Variants in CRTC1 observed in about 807,000 individuals in gnomAD.
CRTC1 encodes the protein CREB regulated transcription coactivator 1.
A neutral mutation model predicts 66.1 loss-of-function variants in CRTC1; 18 were observed. The ratio of observed to expected loss-of-function variants is 0.27; its 90% CI spans 0.19 to 0.40. The LOEUF (loss-of-function observed/expected upper bound fraction) is 0.40, where lower values mean the gene tolerates loss of function less well. Ranked by LOEUF, CRTC1 falls within the 10% of genes least tolerant of loss-of-function variation. The pLI, the probability that CRTC1 is intolerant of heterozygous loss-of-function variation, is 1.00. For synonymous variants in CRTC1, 416 were observed against 398.8 expected (o/e 1.04, Z -0.51); for missense variants, 669 against 887.9 (o/e 0.75, Z 3.13).
chr19:18,779,938 G>C lies in CRTC1; in HGVS notation c.*2556G>C, dbSNP rs1336650605. ...TCCAGAAGGATTCACGCCCCTCCTG[G>C]ACCTGGGCGGGCCTCCCAGGGGGTC... On this transcript the variant is annotated 3_prime_UTR_variant, in exon 14 of 14. Transcript: ENST00000321949. 5 of 229,240 alleles carry C rather than the reference G, an allele frequency of 2.2e-5. No individual in the cohort carries two copies. The highest frequency in any genetic ancestry group is 1.1e-4 in the African/African-American group (5 of 45,106). The allele number at this position is 229,240 out of a possible 1,614,324, so 14.2% of individuals were successfully genotyped here.
chr19:18,766,287 ATTTTTT>A (rs1020411277), intron 9 of CRTC1, among the ~76,000 whole-genome samples: 41 of 109,692 alleles, frequency 3.7e-4, no homozygotes, highest in East Asian at 1.3e-3. Flanking sequence ...TGCCTGGCTA[ATTTTTT>A]TTTTTTTTTT....
intron 1 of CRTC1, among the ~76,000 whole-genome samples, chr19:18,692,052 C>T (rs192856927): frequency 6.6e-5 from 10 of 152,264 alleles, no homozygotes; most frequent in African/African-American, 2.4e-4. Context: ...CATACCCGAA[C>T]ACTGAGCTCC....
chr19:18,768,889 C>T lies in CRTC1; in HGVS notation c.1320+96C>T. The T allele has an allele frequency of 6.9e-7, 1 of 1,446,572 alleles. No homozygotes were observed. Among genetic ancestry groups the T allele is most frequent in the Non-Finnish European group, 9.2e-7 (1 of 1,089,876 alleles). 89.6% of individuals were successfully genotyped at this position (1,446,572 alleles called of 1,614,324 possible). A position where few individuals can be genotyped will look rare whatever the true frequency, so the allele number is the denominator to read the frequency against. On this transcript the variant is annotated intron_variant, in intron 10 of 13. Coordinates refer to ENST00000321949, the MANE Select transcript of CRTC1 (RefSeq NM_015321.3). This position sits in a 1 kb window ranked among gnomAD's most constrained non-coding sequence, Gnocchi z 5.6. ...CAGTCGGGTTACCTGCTGCATGGGC[C>T]AGGGGTCAGAACCCCAGCGAACGCT...
chr19:18,743,885 C>A (rs1398475803), intron 2 of CRTC1, among the ~76,000 whole-genome samples: 1 of 152,224 alleles, frequency 6.6e-6, no homozygotes, highest in Non-Finnish European at 1.5e-5. Flanking sequence ...TTCTCCCCTC[C>A]TGCCCTTCTC....
chr19:18,736,052 G>A (rs558429259), intron 1 of CRTC1, among the ~76,000 whole-genome samples: 62 of 152,306 alleles, frequency 4.1e-4, no homozygotes, highest in Admixed American at 1.5e-3. Flanking sequence ...GCCTTGGTTG[G>A]TTTTCAGCTG....
intron 1 of CRTC1, among the ~76,000 whole-genome samples, chr19:18,718,767 A>G (rs1022157096): frequency 1.3e-5 from 2 of 151,984 alleles, no homozygotes; most frequent in Non-Finnish European, 1.5e-5. Flanking sequence ...TGGTACACAC[A>G]CTCATGTATG....
chr19:18,719,608 G>A (rs894794317), intron 1 of CRTC1, among the ~76,000 whole-genome samples: 7 of 152,248 alleles, frequency 4.6e-5, no homozygotes, highest in African/African-American at 9.6e-5. Flanking sequence ...AGGCAGCGTC[G>A]AAAGAGCTGC....
At chr19:18,709,370 T>C (rs1331111975) in intron 1 of CRTC1, among the ~76,000 whole-genome samples, 1 of 151,654 alleles carries the variant, frequency 6.6e-6, no homozygotes, top group Non-Finnish European at 1.5e-5. Context: ...CCTCAGGCAG[T>C]GGGAGAAGGG....
rs185681789 is a variant in CRTC1 at position 18,745,412 on chromosome 19, G to A, written c.244-411G>A. 3.9e-5 allele frequency among the ~76,000 whole-genome samples: 6 copies of A among 152,316 alleles called. No homozygotes were observed. The East Asian group carries it at 7.7e-4, about 20-fold the overall frequency. On this transcript the variant is annotated intron_variant, in intron 2 of 13. Coordinates refer to ENST00000321949, the MANE Select transcript of CRTC1 (RefSeq NM_015321.3). ...CTTGGCAGGCCCCTCCAGGGATGACGTAGGTGGGGGTAGGAGGCCGTCCAG... is the reference window on the plus strand; with the variant it reads ...CTTGGCAGGCCCCTCCAGGGATGACATAGGTGGGGGTAGGAGGCCGTCCAG...
chr19:18,770,736 TATGTGTGC>T (rs1283362682), intron 10 of CRTC1, among the ~76,000 whole-genome samples: 3 of 151,880 alleles, frequency 2.0e-5, no homozygotes, highest in Non-Finnish European at 2.9e-5. Context: ...TGTGTGTGGA[TATGTGTGC>T]TTGTGTGGGT....
rs748939488 is a variant in CRTC1 at position 18,779,092 on chromosome 19, C to T, written c.*1710C>T. On this transcript the variant is annotated 3_prime_UTR_variant, in exon 14 of 14. Transcript: ENST00000321949. Reference sequence around the variant, plus strand: ...TTTTCTGCTGTTCTTGGAATAGGAACTGCTGTTCTGATCCCCCCAAAACTG... The same window carrying T: ...TTTTCTGCTGTTCTTGGAATAGGAATTGCTGTTCTGATCCCCCCAAAACTG... 3.0e-4 allele frequency: 70 copies of T among 232,648 alleles called. No homozygotes were observed. Among genetic ancestry groups the T allele is most frequent in the Admixed American group, 2.3e-3 (40 of 17,752 alleles). The allele number at this position is 232,648 out of a possible 1,614,324, so 14.4% of individuals were successfully genotyped here.
chr19:18,756,290 G>A (rs1443036777), intron 6 of CRTC1, among the ~76,000 whole-genome samples: 2 of 126,212 alleles, frequency 1.6e-5, no homozygotes, highest in Non-Finnish European at 3.1e-5. Context: ...CTGAGACTGC[G>A]CCACTGCACT....
At chr19:18,693,643 G>A (rs1200352624) in intron 1 of CRTC1, among the ~76,000 whole-genome samples, 1 of 151,280 alleles carries the variant, frequency 6.6e-6, no homozygotes, top group Non-Finnish European at 1.5e-5. Flanking sequence ...CACCATGCCC[G>A]GCTACTTTTT....
chr19:18,695,114 G>T (rs1277668667), intron 1 of CRTC1, among the ~76,000 whole-genome samples: 1 of 152,054 alleles, frequency 6.6e-6, no homozygotes, highest in African/African-American at 2.4e-5. Flanking sequence ...CAAGTGATCT[G>T]CCCGCCTCGG....
In CRTC1 at chr19:18,777,226, G is replaced by T; in HGVS notation, c.1749G>T (p.Gly583=). 1 of 1,610,930 alleles carries T rather than the reference G, an allele frequency of 6.2e-7. No homozygotes were observed. The highest frequency in any genetic ancestry group is 8.5e-7 in the Non-Finnish European group (1 of 1,179,792). ...LSKELTSSLA[G]VGDVSFDSDS... is the part of the protein sequence containing the mutation. Reference sequence around the variant, plus strand: ...AAGAACTGACCAGCTCTCTGGCCGGGGTCGGCGACGTCAGCTTCGACTCCG... The same window carrying T: ...AAGAACTGACCAGCTCTCTGGCCGGTGTCGGCGACGTCAGCTTCGACTCCG... The change falls in exon 14 of 14, where the codon GGG becomes GGT. Residue 583 remains glycine, a synonymous_variant. Transcript: ENST00000321949. This position sits in a 1 kb window ranked among gnomAD's most constrained non-coding sequence, Gnocchi z 5.5.
intron 1 of CRTC1, among the ~76,000 whole-genome samples, chr19:18,703,659 C>T (rs1002499124): frequency 6.6e-5 from 10 of 151,980 alleles, no homozygotes; most frequent in South Asian, 2.1e-4. Flanking sequence ...GATGGTGTTT[C>T]GCTGTGTTGA....
chr19:18,731,070 C>T (rs2053878224), intron 1 of CRTC1, among the ~76,000 whole-genome samples: 1 of 152,196 alleles, frequency 6.6e-6, no homozygotes, highest in South Asian at 2.1e-4. Context: ...CCCTCCACCT[C>T]CTGGACTCAA....
intron 2 of CRTC1, among the ~76,000 whole-genome samples, chr19:18,743,639 T>G (rs1267064078): frequency 1.4e-5 from 2 of 145,506 alleles, no homozygotes. Context: ...TGGGGGGGGG[T>G]CACACCTACT....
intron 6 of CRTC1, 62 bp from the exon 7 acceptor site, chr19:18,759,489 C>A: frequency 6.4e-7 from 1 of 1,562,640 alleles, no homozygotes. Flanking sequence ...AGGCCCAGTG[C>A]CCAGGAGGAG....
Sources: allele counts gnomAD v4.1 joint callset (sites outside exome capture counted in the v4.1 genomes callset), GRCh38; gene constraint gnomAD v4.1.1; non-coding constraint Gnocchi (gnomAD v3.1); transcripts MANE v1.5; gene names NCBI Gene and HGNC (gene_info 2026-07-23, HGNC 2026-07-21).